The following CNTNAP2 variants were observed in gnomAD, a reference collection of about 807,000 sequenced individuals.
CNTNAP2 encodes contactin associated protein 2.
Under a neutral mutation model 155.2 loss-of-function variants are expected in CNTNAP2, and 98 were observed. The observed-to-expected ratio is 0.63, with a 90% CI of 0.54 to 0.75. CNTNAP2 has a LOEUF of 0.75. Among genes scored for constraint, CNTNAP2 ranks in the 30% least tolerant of loss-of-function variants. The probability of loss-of-function intolerance (pLI) is 0.00; values close to 1 mark genes in which losing one functional copy is unlikely to be tolerated. For synonymous variants in CNTNAP2, 651 were observed against 631.2 expected, an observed-to-expected ratio of 1.03 and a Z score of -0.47; for missense variants, 1,727 against 1,688.1, an observed-to-expected ratio of 1.02 and a Z score of -0.40.
At chr7:148,340,464 A>G (rs1268464899) in intron 21 of CNTNAP2, among the ~76,000 whole-genome samples, 2 of 152,174 alleles carry the variant, frequency 1.3e-5, no homozygotes, top group African/African-American at 2.4e-5. Context: ...AACTCAGCAT[A>G]GTGTTTGGTT....
intron 22 of CNTNAP2, among the ~76,000 whole-genome samples, chr7:148,388,310 A>T (rs1799264607): frequency 9.4e-6 from 1 of 106,396 alleles, no homozygotes; most frequent in African/African-American, 3.5e-5. Flanking sequence ...CCACCCCACA[A>T]TAGTCCCCAG....
At chr7:148,321,699 A>T (rs1797791938) in intron 21 of CNTNAP2, among the ~76,000 whole-genome samples, 1 of 152,198 alleles carries the variant, frequency 6.6e-6, no homozygotes, top group Non-Finnish European at 1.5e-5. Flanking sequence ...AATGTGTCCA[A>T]TGCAATCATC....
intron 10 of CNTNAP2, among the ~76,000 whole-genome samples, chr7:147,401,443 A>T (rs1796910391): frequency 6.6e-6 from 1 of 152,052 alleles, no homozygotes; most frequent in African/African-American, 2.4e-5. Context: ...ATCCAGTTTG[A>T]TTTTTTTCTT....
chr7:147,499,538 A>T (rs1004363042), intron 11 of CNTNAP2, among the ~76,000 whole-genome samples: 1 of 152,098 alleles, frequency 6.6e-6, no homozygotes, highest in African/African-American at 2.4e-5. Flanking sequence ...CAAAAAAAAA[A>T]TACCGATATA....
chr7:147,615,705 T>G (rs1049379479), intron 12 of CNTNAP2, among the ~76,000 whole-genome samples: 4 of 148,960 alleles, frequency 2.7e-5, no homozygotes, highest in Non-Finnish European at 4.5e-5. Flanking sequence ...AGAAAAATCG[T>G]TTTTTTTTCT....
chr7:146,535,593 T>C (rs980230101), intron 1 of CNTNAP2, among the ~76,000 whole-genome samples: 1 of 150,624 alleles, frequency 6.6e-6, no homozygotes, highest in Non-Finnish European at 1.5e-5. Flanking sequence ...TTGTATAAAT[T>C]TATGGGTTGC....
Position 146,746,607 on chromosome 7 carries a change from A to G in CNTNAP2, c.98-27664A>G, listed in dbSNP as rs140863727. On this transcript the variant is annotated intron_variant, in intron 1 of 23. Transcript: ENST00000361727. ...TGAGTTTTTTAATGCAATTTTACCA[A>G]TCAAATATGACAATGATGAATAATT... Among the ~76,000 whole-genome samples, 151 of 152,236 alleles carry G rather than the reference A, an allele frequency of 9.9e-4. 1 individual carries two copies. The highest frequency in any genetic ancestry group is 9.9e-3 in the East Asian group (51 of 5,172).
intron 13 of CNTNAP2, among the ~76,000 whole-genome samples, chr7:147,859,422 CAAAAAA>C (rs35631450): frequency 7.7e-6 from 1 of 130,132 alleles, no homozygotes; most frequent in Admixed American, 7.7e-5. Flanking sequence ...AGATCAAGAC[CAAAAAA>C]AAAAAAAAAA....
At chr7:146,727,535 T>C (rs538926152) in intron 1 of CNTNAP2, among the ~76,000 whole-genome samples, 16 of 152,300 alleles carry the variant, frequency 1.1e-4, no homozygotes, top group African/African-American at 3.8e-4. Flanking sequence ...CACCAGCACT[T>C]ACCCACACAC....
At chr7:147,718,387 G>A (rs1796513551) in intron 13 of CNTNAP2, among the ~76,000 whole-genome samples, 1 of 152,196 alleles carries the variant, frequency 6.6e-6, no homozygotes, top group East Asian at 1.9e-4. Flanking sequence ...TAATTAACTT[G>A]TGATGAAATG....
chr7:146,901,146 A>T (rs910914656), intron 3 of CNTNAP2, among the ~76,000 whole-genome samples: 1 of 152,096 alleles, frequency 6.6e-6, no homozygotes, highest in African/African-American at 2.4e-5. Flanking sequence ...AAAACAGAAA[A>T]ATCCACTTAA....
intron 15 of CNTNAP2, among the ~76,000 whole-genome samples, chr7:148,101,443 A>C (rs906603220): frequency 1.1e-4 from 16 of 151,806 alleles, no homozygotes; most frequent in Non-Finnish European, 1.5e-5. Context: ...AACCAAGTGG[A>C]TTGAAATCTG....
chr7:147,189,394 GA>G (rs2116518967), intron 8 of CNTNAP2, among the ~76,000 whole-genome samples: 1 of 152,184 alleles, frequency 6.6e-6, no homozygotes, highest in East Asian at 1.9e-4. Flanking sequence ...ATCACATGTA[GA>G]ATTACATGTA....
chr7:146,573,175 G>C (rs1798469046), intron 1 of CNTNAP2, among the ~76,000 whole-genome samples: 1 of 152,046 alleles, frequency 6.6e-6, no homozygotes, highest in Non-Finnish European at 1.5e-5. Flanking sequence ...ACAGAGTCTC[G>C]CTCTGTCTCC....
chr7:147,121,817 T>C (rs2129282883), intron 6 of CNTNAP2: 1 of 152,382 alleles, frequency 6.6e-6, no homozygotes, highest in East Asian at 1.9e-4. Context: ...TTTTAAATTA[T>C]TTGGAGAGCA....
chr7:146,662,340 A>T (rs377413238), intron 1 of CNTNAP2, among the ~76,000 whole-genome samples: 76 of 100,832 alleles, frequency 7.5e-4, no homozygotes, highest in African/African-American at 2.1e-3. Context: ...GTTTTACCAT[A>T]TTGGCCAGGC....
At chr7:148,283,833 A>G (rs1797032394) in intron 21 of CNTNAP2, among the ~76,000 whole-genome samples, 1 of 152,216 alleles carries the variant, frequency 6.6e-6, no homozygotes, top group Non-Finnish European at 1.5e-5. Flanking sequence ...CATGAGCTCA[A>G]TGTTAATAAA....
intron 1 of CNTNAP2, among the ~76,000 whole-genome samples, chr7:146,479,676 A>C (rs1796930991): frequency 6.6e-6 from 1 of 152,070 alleles, no homozygotes; most frequent in South Asian, 2.1e-4. Context: ...TAGAGTCAAG[A>C]ATTAGCTTAA....
At chr7:147,214,927 A>T (rs2116579810) in intron 8 of CNTNAP2, among the ~76,000 whole-genome samples, 1 of 152,260 alleles carries the variant, frequency 6.6e-6, no homozygotes, top group African/African-American at 2.4e-5. Context: ...GGGGGAATCA[A>T]GCACCTTCCT....
Sources: allele counts gnomAD v4.1 joint callset (sites outside exome capture counted in the v4.1 genomes callset), GRCh38; gene constraint gnomAD v4.1.1; transcripts MANE v1.5; gene names NCBI Gene and HGNC (gene_info 2026-07-23, HGNC 2026-07-21).